The following PKP4 variants were observed in gnomAD, a reference collection of about 807,000 sequenced individuals.
PKP4 encodes the protein plakophilin 4.
A neutral mutation model predicts 145.1 loss-of-function variants in PKP4; 90 were observed. That is an observed-to-expected ratio of 0.62 (90% CI 0.52 to 0.74). The LOEUF is 0.74. Ranked by LOEUF, PKP4 falls within the 30% of genes least tolerant of loss-of-function variation. The pLI is 0.00. For missense variants in PKP4, 1,340 were observed against 1,482.7 expected (o/e 0.90, Z 1.58); for synonymous variants, 563 against 577.2 (o/e 0.98, Z 0.35).
intron 11 of PKP4, among the ~76,000 whole-genome samples, chr2:158,656,038 G>A (rs2055880194): frequency 6.6e-6 from 1 of 152,186 alleles, no homozygotes; most frequent in Admixed American, 6.5e-5. Context: ...GATCCTTTCT[G>A]TGGTCGTCAG....
Position 158,611,462 on chromosome 2 carries a change from A to T in PKP4, c.280+8358A>T, listed in dbSNP as rs540819688. ...GGGATGAGCTTTAAAAAATAAAAAT[A>T]AAAAAACATCAATACCGAAGATAAA... On this transcript the variant is annotated intron_variant, in intron 4 of 21. Coordinates refer to ENST00000389759, the MANE Select transcript of PKP4 (RefSeq NM_003628.6). Among the ~76,000 whole-genome samples, 22 of 152,310 alleles carry T rather than the reference A, an allele frequency of 1.4e-4. No homozygotes were observed. The South Asian group carries it at 4.6e-3, about 32-fold the overall frequency.
chr2:158,601,872 A>T (rs575071327), intron 3 of PKP4, among the ~76,000 whole-genome samples: 1 of 152,318 alleles, frequency 6.6e-6, no homozygotes, highest in South Asian at 2.1e-4. Flanking sequence ...ATAAGAACTT[A>T]AAATCTCAGA....
chr2:158,466,981 C>G (rs1559178141), intron 1 of PKP4, among the ~76,000 whole-genome samples: 1 of 152,080 alleles, frequency 6.6e-6, no homozygotes, highest in Non-Finnish European at 1.5e-5. Context: ...TGAAGTTTTT[C>G]AAAGGGGAAA....
intron 2 of PKP4, among the ~76,000 whole-genome samples, chr2:158,576,380 TTGAATAGACTTGTGAGGAG>T (rs1211125917): frequency 6.6e-6 from 1 of 152,196 alleles, no homozygotes; most frequent in Non-Finnish European, 1.5e-5. Context: ...AGCATTTGCT[TTGAATAGACTTGTGAGGAG>T]ACAGTATGGC....
intron 2 of PKP4, among the ~76,000 whole-genome samples, chr2:158,571,763 G>C (rs2047426643): frequency 6.6e-6 from 1 of 152,174 alleles, no homozygotes; most frequent in Non-Finnish European, 1.5e-5. Context: ...ATGAGGGTAA[G>C]AGACTAGGAG....
intron 2 of PKP4, among the ~76,000 whole-genome samples, chr2:158,534,297 A>G (rs2043843714): frequency 1.3e-5 from 2 of 152,236 alleles, no homozygotes; most frequent in African/African-American, 2.4e-5. Context: ...AGATTGCTCT[A>G]TAACCGTGAC....
intron 11 of PKP4, among the ~76,000 whole-genome samples, chr2:158,645,021 C>A (rs890983307): frequency 3.3e-5 from 5 of 152,170 alleles, no homozygotes; most frequent in Non-Finnish European, 7.3e-5. Flanking sequence ...AATAAACTAT[C>A]CTGCATCCAA....
chr2:158,644,366 T>C (rs2054625764), intron 11 of PKP4, among the ~76,000 whole-genome samples: 1 of 152,142 alleles, frequency 6.6e-6, no homozygotes, highest in Non-Finnish European at 1.5e-5. Context: ...GAGTAATGCC[T>C]GGATGTTGCA....
intron 1 of PKP4, among the ~76,000 whole-genome samples, chr2:158,510,479 CTT>C (rs1464646261): frequency 3.3e-5 from 5 of 152,154 alleles, no homozygotes; most frequent in Non-Finnish European, 7.3e-5. Context: ...GTTGCTAAGA[CTT>C]GAACTAGATT....
At chr2:158,493,683 C>A (rs1035824622) in intron 1 of PKP4, among the ~76,000 whole-genome samples, 21 of 152,152 alleles carry the variant, frequency 1.4e-4, no homozygotes, top group Non-Finnish European at 2.8e-4. Flanking sequence ...GCTTCTAGTC[C>A]CTGTAGGTGT....
intron 1 of PKP4, among the ~76,000 whole-genome samples, chr2:158,486,445 G>C (rs535289006): frequency 1.7e-4 from 26 of 152,172 alleles, no homozygotes; most frequent in Non-Finnish European, 2.6e-4. Context: ...TGAGTTTTTG[G>C]TAAAACTGAG....
chr2:158,469,739 T>A (rs1691255264), intron 1 of PKP4, among the ~76,000 whole-genome samples: 1 of 152,248 alleles, frequency 6.6e-6, no homozygotes, highest in Non-Finnish European at 1.5e-5. Flanking sequence ...AATATAGCTA[T>A]ACAGTAACAT....
chr2:158,631,063 G>A (rs1459147396), intron 7 of PKP4, among the ~76,000 whole-genome samples: 4 of 151,950 alleles, frequency 2.6e-5, no homozygotes, highest in South Asian at 2.1e-4. Context: ...TCAGCCTCCC[G>A]AGTAGCTGGG....
In PKP4 at chr2:158,680,701, CTCTT is replaced by C. The variant is rs747492627; in HGVS notation, c.*32_*35del. 6 of 1,576,798 alleles carry C rather than the reference CTCTT, an allele frequency of 3.8e-6. No individual in the cohort carries two copies. In the Middle Eastern group the frequency reaches 5.1e-4, roughly 135 times the overall value. ...AGCATCAAGATGCCCAACAGAGGAACTCTTTCTTTCTAACCTTGTTCAGATTGAG... is the reference window on the plus strand; with the variant it reads ...AGCATCAAGATGCCCAACAGAGGAACTCTTTCTAACCTTGTTCAGATTGAG... On this transcript the variant is annotated 3_prime_UTR_variant, in exon 22 of 22. Transcript: ENST00000389759.
chr2:158,519,462 G>A (rs559274185), intron 1 of PKP4, among the ~76,000 whole-genome samples: 1 of 152,150 alleles, frequency 6.6e-6, no homozygotes, highest in East Asian at 1.9e-4. Context: ...GCACTTGCAG[G>A]GTAGGCGCTG....
At chr2:158,565,801 A>G (rs769604887) in intron 2 of PKP4, among the ~76,000 whole-genome samples, 16 of 152,198 alleles carry the variant, frequency 1.1e-4, no homozygotes, top group Non-Finnish European at 1.9e-4. Flanking sequence ...GCTTATGGTT[A>G]TCAATAATAC....
chr2:158,569,682 T>C (rs935980061), intron 2 of PKP4, among the ~76,000 whole-genome samples: 2 of 152,228 alleles, frequency 1.3e-5, no homozygotes, highest in African/African-American at 4.8e-5. Context: ...CTAAGTTGTG[T>C]TCTCAAAATG....
At chr2:158,616,003 A>G (rs963372883) in intron 4 of PKP4, among the ~76,000 whole-genome samples, 1 of 152,184 alleles carries the variant, frequency 6.6e-6, no homozygotes, top group African/African-American at 2.4e-5. Context: ...GCCTTTCCTT[A>G]TGTCTTCACT....
At chr2:158,503,501 A>G (rs1321332428) in intron 1 of PKP4, among the ~76,000 whole-genome samples, 2 of 152,228 alleles carry the variant, frequency 1.3e-5, no homozygotes, top group African/African-American at 4.8e-5. Flanking sequence ...ATAAACTCAT[A>G]TTTTATCAAA....
Sources: allele counts gnomAD v4.1 joint callset (sites outside exome capture counted in the v4.1 genomes callset), GRCh38; gene constraint gnomAD v4.1.1; transcripts MANE v1.5; gene names NCBI Gene and HGNC (gene_info 2026-07-23, HGNC 2026-07-21).